REDIC1: variants seen among roughly 807,000 people sequenced by gnomAD.
The protein encoded by REDIC1 is HEI10 Interacting Protein 1.
the REDIC1 span, among the ~76,000 whole-genome samples, chr12:39,653,558 TTTC>T: frequency 1.0e-3 from 45 of 43,848 alleles, 2 homozygotes; most frequent in Non-Finnish European, 1.0e-3. Flanking sequence ...CTTCTTCTTC[TTTC>T]TTCTTCTTCT....
chr12:39,881,087 A>C, the REDIC1 span, among the ~76,000 whole-genome samples: 1 of 152,248 alleles, frequency 6.6e-6, no homozygotes, highest in Admixed American at 6.5e-5. Context: ...AAAGCAACAA[A>C]ACATAAAATA....
At chr12:39,641,479 CAGAG>C in the REDIC1 span, among the ~76,000 whole-genome samples, 2 of 150,858 alleles carry the variant, frequency 1.3e-5, no homozygotes, top group African/African-American at 2.4e-5. Flanking sequence ...AAATAGCAAA[CAGAG>C]AGAGAGAGAT....
chr12:39,859,102 C>G, the REDIC1 span, among the ~76,000 whole-genome samples: 1 of 152,018 alleles, frequency 6.6e-6, no homozygotes, highest in Non-Finnish European at 1.5e-5. Flanking sequence ...CATACTGTTT[C>G]ACAAAACCAG....
the REDIC1 span, chr12:39,650,311 C>T: frequency 1.2e-6 from 2 of 1,611,200 alleles, no homozygotes; most frequent in Non-Finnish European, 1.7e-6. The surrounding 1 kb of genome is among the most constrained non-coding windows in gnomAD (Gnocchi z 4.3). Flanking sequence ...CAGTCCATCA[C>T]ATAAAACTAC....
chr12:39,636,568 G>A, the REDIC1 span, among the ~76,000 whole-genome samples: 19 of 151,960 alleles, frequency 1.3e-4, no homozygotes, highest in Admixed American at 5.2e-4. Flanking sequence ...TCAGTGTCAC[G>A]AAACCATAAA....
the REDIC1 span, among the ~76,000 whole-genome samples, chr12:39,646,000 C>A: frequency 1.3e-5 from 2 of 151,314 alleles, no homozygotes; most frequent in South Asian, 2.1e-4. Context: ...AAAGTACTGA[C>A]CAGAGAAAGG....
chr12:39,687,583 G>T, the REDIC1 span, among the ~76,000 whole-genome samples: 1 of 152,176 alleles, frequency 6.6e-6, no homozygotes, highest in African/African-American at 2.4e-5. Context: ...CCATTCAGGA[G>T]AAACTACTTC....
the REDIC1 span, among the ~76,000 whole-genome samples, chr12:39,670,845 G>A: frequency 1.3e-5 from 2 of 150,484 alleles, no homozygotes; most frequent in East Asian, 2.0e-4. Context: ...GCTCCTGATT[G>A]TATTTTTCAT....
the REDIC1 span, among the ~76,000 whole-genome samples, chr12:39,849,850 C>CT: frequency 1.3e-5 from 2 of 151,838 alleles, no homozygotes; most frequent in South Asian, 2.1e-4. Context: ...CTACTCCCTT[C>CT]TTTTTTTTCT....
chr12:39,718,486 C>T, the REDIC1 span, among the ~76,000 whole-genome samples: 1 of 152,090 alleles, frequency 6.6e-6, no homozygotes, highest in Non-Finnish European at 1.5e-5. Context: ...TATTGTATTA[C>T]CAAGAAACTG....
the REDIC1 span, among the ~76,000 whole-genome samples, chr12:39,726,589 G>C: frequency 1.3e-5 from 2 of 152,168 alleles, no homozygotes; most frequent in Admixed American, 6.5e-5. Flanking sequence ...TTGGTTCCAA[G>C]TCTTTGCTAT....
At chr12:39,697,827 A>G in the REDIC1 span, among the ~76,000 whole-genome samples, 1 of 152,188 alleles carries the variant, frequency 6.6e-6, no homozygotes, top group Admixed American at 6.5e-5. Flanking sequence ...TAAAAGGAAG[A>G]CAAGAAGGAA....
chr12:39,633,748 A>G, the REDIC1 span, among the ~76,000 whole-genome samples: 1 of 152,172 alleles, frequency 6.6e-6, no homozygotes, highest in Non-Finnish European at 1.5e-5. Flanking sequence ...CTGTTATGGG[A>G]CCACTGTTGT....
the REDIC1 span, among the ~76,000 whole-genome samples, chr12:39,714,194 TATATGTATATACATGCATATAC>T: frequency 7.1e-6 from 1 of 141,474 alleles, no homozygotes; most frequent in African/African-American, 2.5e-5. Flanking sequence ...CATATATGTA[TATATGTATATACATGCATATAC>T]GTATATGCAT....
chr12:39,713,192 T>C, the REDIC1 span, among the ~76,000 whole-genome samples: 2 of 150,132 alleles, frequency 1.3e-5, no homozygotes, highest in East Asian at 3.9e-4. Flanking sequence ...CCCATGTGTA[T>C]ATATTTGCAT....
At chr12:39,719,132 G>A in the REDIC1 span, among the ~76,000 whole-genome samples, 1 of 152,072 alleles carries the variant, frequency 6.6e-6, no homozygotes, top group East Asian at 1.9e-4. Flanking sequence ...GTAAACTCAT[G>A]CAAATGAGGC....
chr12:39,738,447 A>G, the REDIC1 span, among the ~76,000 whole-genome samples: 2 of 152,228 alleles, frequency 1.3e-5, 1 homozygote, highest in South Asian at 4.1e-4. Context: ...GATAAATAGC[A>G]TCTGAGGAGA....
At chr12:39,698,336 A>G in the REDIC1 span, among the ~76,000 whole-genome samples, 1 of 152,220 alleles carries the variant, frequency 6.6e-6, no homozygotes. Context: ...AAGCACCCAG[A>G]TACATAAAGC....
the REDIC1 span, among the ~76,000 whole-genome samples, chr12:39,751,346 T>C: frequency 2.6e-5 from 4 of 152,188 alleles, no homozygotes; most frequent in African/African-American, 9.6e-5. Flanking sequence ...AAAACCACAA[T>C]GAGATACCAT....
Sources: allele counts gnomAD v4.1 joint callset (sites outside exome capture counted in the v4.1 genomes callset), GRCh38; gene constraint gnomAD v4.1.1; non-coding constraint Gnocchi (gnomAD v3.1); transcripts MANE v1.5; gene names NCBI Gene and HGNC (gene_info 2026-07-23, HGNC 2026-07-21).